FAM120A: variants seen among roughly 807,000 people sequenced by gnomAD.
The protein encoded by FAM120A is constitutive coactivator of PPAR-gamma-like protein 1.
In FAM120A, 15 loss-of-function variants were observed where a neutral mutation model predicts 109.7. The ratio of observed to expected loss-of-function variants is 0.14; its 90% CI spans 0.09 to 0.21. The LOEUF (loss-of-function observed/expected upper bound fraction) is 0.21, where lower values mean the gene tolerates loss of function less well. FAM120A is among the 10% of genes least tolerant of loss of function. The pLI, the probability that FAM120A is intolerant of heterozygous loss-of-function variation, is 1.00. For missense variants in FAM120A, 899 were observed against 1,439.3 expected, an observed-to-expected ratio of 0.62 and a Z score of 6.07; for synonymous variants, 493 against 572.8, an observed-to-expected ratio of 0.86 and a Z score of 1.99.
At chr9:93,542,007 A>T (rs576327790) in intron 10 of FAM120A, among the ~76,000 whole-genome samples, 1 of 152,248 alleles carries the variant, frequency 6.6e-6, no homozygotes. Flanking sequence ...AGCCAGTAAT[A>T]CATTTAACTC....
chr9:93,562,560 C>G (rs896175211), intron 17 of FAM120A, among the ~76,000 whole-genome samples: 1 of 152,206 alleles, frequency 6.6e-6, no homozygotes, highest in African/African-American at 2.4e-5. Context: ...TGGTAGCTTC[C>G]CGCCTGGTGT....
chr9:93,557,682 C>A, intron 13 of FAM120A, 145 bp from the exon 14 acceptor site: 1 of 806,438 alleles, frequency 1.2e-6, no homozygotes, highest in Non-Finnish European at 1.9e-6. Flanking sequence ...TAAACGTTAG[C>A]AAGTAGGAGA....
At chr9:93,453,416 T>C (rs1467058583) in intron 1 of FAM120A, 23 of 985,356 alleles carry the variant, frequency 2.3e-5, no homozygotes, top group South Asian at 4.7e-5. Context: ...TCATTGGTTT[T>C]CTTGAAAACA....
At chr9:93,505,826 A>T (rs1588854738) in intron 5 of FAM120A, among the ~76,000 whole-genome samples, 1 of 152,240 alleles carries the variant, frequency 6.6e-6, no homozygotes, top group East Asian at 1.9e-4. Context: ...GGTGATAAAC[A>T]CTTTGTCTTC....
intron 1 of FAM120A, among the ~76,000 whole-genome samples, chr9:93,456,862 A>G (rs1055586507): frequency 1.3e-5 from 2 of 152,214 alleles, no homozygotes; most frequent in Non-Finnish European, 2.9e-5. Context: ...AAAAATGTCC[A>G]TCAGTAGATC....
intron 5 of FAM120A, among the ~76,000 whole-genome samples, chr9:93,511,073 A>G (rs2258456): frequency 0.9 from 136,244 of 150,576 alleles, 61,684 homozygotes; most frequent in East Asian, 1. Flanking sequence ...AACTGCTCTC[A>G]TTCTTAGAAA....
chr9:93,527,124 T>G, intron 7 of FAM120A, 31 bp from the exon 8 acceptor site: 1 of 1,590,158 alleles, frequency 6.3e-7, no homozygotes, highest in Non-Finnish European at 8.6e-7. Flanking sequence ...TGAAAGTGAT[T>G]GGACAGTAAT....
chr9:93,484,078 C>T (rs1858932845), intron 3 of FAM120A, among the ~76,000 whole-genome samples: 4 of 151,222 alleles, frequency 2.6e-5, no homozygotes, highest in African/African-American at 9.7e-5. Flanking sequence ...CTCTGTTGCT[C>T]AGGCTGGATG....
At chr9:93,482,184 A>ATTT (rs386415495) in intron 3 of FAM120A, among the ~76,000 whole-genome samples, 10 of 118,346 alleles carry the variant, frequency 8.4e-5, no homozygotes, top group African/African-American at 2.5e-4. Context: ...ATTCACCTCC[A>ATTT]TTTTTTTTTT....
chr9:93,536,962 A>G (rs904327479), intron 10 of FAM120A, among the ~76,000 whole-genome samples: 1 of 152,238 alleles, frequency 6.6e-6, no homozygotes, highest in Non-Finnish European at 1.5e-5. Context: ...GAAGAGAACT[A>G]GTAACACCCA....
At chr9:93,489,420 C>T (rs1859214026) in intron 3 of FAM120A, among the ~76,000 whole-genome samples, 1 of 152,184 alleles carries the variant, frequency 6.6e-6, no homozygotes, top group Non-Finnish European at 1.5e-5. Context: ...CAGTTTCCTC[C>T]TTGGACTGGT....
chr9:93,547,540 C>A (rs1293958052), intron 11 of FAM120A, among the ~76,000 whole-genome samples: 2 of 152,188 alleles, frequency 1.3e-5, no homozygotes, highest in Non-Finnish European at 1.5e-5. Context: ...GGCTCCAGAA[C>A]AATTTATAAT....
intron 3 of FAM120A, among the ~76,000 whole-genome samples, chr9:93,483,719 A>C (rs1159482258): frequency 6.6e-6 from 1 of 152,228 alleles, no homozygotes; most frequent in African/African-American, 2.4e-5. Context: ...CATTGTCACC[A>C]TCATCATGCA....
chr9:93,493,481 T>A (rs1859426067), intron 3 of FAM120A, among the ~76,000 whole-genome samples: 1 of 152,216 alleles, frequency 6.6e-6, no homozygotes, highest in Non-Finnish European at 1.5e-5. Flanking sequence ...TTAAACAATC[T>A]CCATTTGATA....
At chr9:93,536,739 C>A (rs1180126943) in intron 10 of FAM120A, among the ~76,000 whole-genome samples, 3 of 152,144 alleles carry the variant, frequency 2.0e-5, no homozygotes, top group Non-Finnish European at 4.4e-5. Context: ...AAATTTCTAA[C>A]CCTTCTGCTC....
At position 93,503,041 on chromosome 9, in the gene FAM120A, TA is replaced by T. The variant is rs544490078; in HGVS notation, c.1030+4158del. On this transcript the variant is annotated intron_variant, in intron 5 of 17. Transcript: ENST00000277165. ...GTCATTGGCCTTCCTTAGTGAAAAG[TA>T]AATGGGCTCCTACTACACATTTTAA... Among the ~76,000 whole-genome samples the T allele has an allele frequency of 1.2e-4, 19 of 152,206 alleles. 1 individual carries two copies. The highest frequency in any genetic ancestry group is 2.6e-4 in the Non-Finnish European group (18 of 68,034).
chr9:93,467,736 A>G, intron 1 of FAM120A, among the ~76,000 whole-genome samples: 1 of 152,200 alleles, frequency 6.6e-6, no homozygotes. Context: ...TCATTTGCAA[A>G]TTAGAGTTGT....
intron 1 of FAM120A, among the ~76,000 whole-genome samples, chr9:93,456,433 A>T (rs921237082): frequency 3.3e-5 from 5 of 152,222 alleles, no homozygotes; most frequent in Non-Finnish European, 7.3e-5. Context: ...TCAGTGGAAG[A>T]ATGTGAGGTT....
chr9:93,534,291 G>T (rs1265007350), intron 10 of FAM120A, among the ~76,000 whole-genome samples: 1 of 152,186 alleles, frequency 6.6e-6, no homozygotes, highest in African/African-American at 2.4e-5. Flanking sequence ...GTGGAAGCCA[G>T]GGCAGGCCAC....
Sources: allele counts gnomAD v4.1 joint callset (sites outside exome capture counted in the v4.1 genomes callset), GRCh38; gene constraint gnomAD v4.1.1; transcripts MANE v1.5; gene names NCBI Gene and HGNC (gene_info 2026-07-23, HGNC 2026-07-21).